The following ATG5 variants were observed in gnomAD, a reference collection of about 807,000 sequenced individuals.
ATG5 encodes the protein autophagy related 5.
Under a neutral mutation model 36.5 loss-of-function variants are expected in ATG5, and 14 were observed. That is an observed-to-expected ratio of 0.38 (90% confidence interval 0.25 to 0.60). The LOEUF is 0.60. Ranked by LOEUF, ATG5 falls within the 20% of genes least tolerant of loss-of-function variation. The pLI is 0.60. For synonymous variants in ATG5, 95 were observed against 101.5 expected, an observed-to-expected ratio of 0.94 and a Z score of 0.38; for missense variants, 195 against 326.7, an observed-to-expected ratio of 0.60 and a Z score of 3.11.
intron 3 of ATG5, among the ~76,000 whole-genome samples, chr6:106,302,566 A>T (rs1770262146): frequency 6.6e-6 from 1 of 152,092 alleles, no homozygotes; most frequent in Non-Finnish European, 1.5e-5. Flanking sequence ...CTGAATCCCG[A>T]AAAACAAAGC....
intron 4 of ATG5, among the ~76,000 whole-genome samples, chr6:106,280,404 A>T (rs528997014): frequency 6.6e-6 from 1 of 152,180 alleles, no homozygotes; most frequent in African/African-American, 2.4e-5. Context: ...CTAAATATCA[A>T]CAGGTAAATG....
rs564446422 is a variant in ATG5, at chr6:106,236,380, T to C, written c.573+11770A>G. Among the ~76,000 whole-genome samples, 10 of 152,316 alleles carry C rather than the reference T, an allele frequency of 6.6e-5. No homozygotes were observed. The East Asian group carries it at 1.7e-3, about 26-fold the overall frequency. ...ACTGTTGGATCAGAAAGTAAGCATA[T>C]GTTGAATTTTGAAAGAAACTGGTAA... On this transcript the variant is annotated intron_variant, in intron 6 of 7. Coordinates refer to ENST00000369076, the MANE Select transcript of ATG5 (RefSeq NM_004849.4).
intron 7 of ATG5, among the ~76,000 whole-genome samples, chr6:106,188,894 C>T (rs994900474): frequency 5.9e-5 from 9 of 152,076 alleles, no homozygotes; most frequent in Middle Eastern, 3.2e-3. Context: ...AATATCTCAC[C>T]GGCATTTATG....
Position 106,192,967 on chromosome 6 carries a change from G to A in ATG5, c.692-6291C>T, listed in dbSNP as rs568796489. 2.2e-4 allele frequency among the ~76,000 whole-genome samples: 33 copies of A among 152,284 alleles called. No individual in the cohort carries two copies. In the South Asian group the frequency reaches 5.2e-3, roughly 24 times the overall value. ...TGCTGAAGGATTTTGTCTCAGCCAC[G>A]GAGGTAATAGTCAGCGAGGTCAGGT... On this transcript the variant is annotated intron_variant, in intron 7 of 7. Transcript: ENST00000369076.
intron 6 of ATG5, among the ~76,000 whole-genome samples, chr6:106,225,000 C>T (rs928066344): frequency 1.3e-5 from 2 of 152,174 alleles, no homozygotes; most frequent in Non-Finnish European, 2.9e-5. Context: ...GCATGACAAG[C>T]CATCATCATT....
intron 1 of ATG5, among the ~76,000 whole-genome samples, chr6:106,317,231 T>C (rs919461561): frequency 6.6e-6 from 1 of 152,224 alleles, no homozygotes; most frequent in Non-Finnish European, 1.5e-5. Flanking sequence ...ACTCAACATG[T>C]GGCACCTGGA....
chr6:106,257,518 G>A (rs555739056), intron 5 of ATG5, among the ~76,000 whole-genome samples: 16 of 152,304 alleles, frequency 1.1e-4, no homozygotes, highest in South Asian at 4.1e-4. Context: ...TATCATACAT[G>A]CAGTCCACTG....
chr6:106,316,119 C>T lies in ATG5; in HGVS notation c.90G>A (p.Arg30=). The T allele has an allele frequency of 2.5e-6, 4 of 1,612,914 alleles. No individual in the cohort carries two copies. The highest frequency in any genetic ancestry group is 3.4e-6 in the Non-Finnish European group (4 of 1,179,322). The part of the protein sequence containing the change: ...FTLYQDEITE[R]EAEPYYLLLP... ...TACTTACATAGTATGGTTCTGCTTCCCTTTCAGTTATCTCATCCTGATATA... is the reference window on the plus strand; with the variant it reads ...TACTTACATAGTATGGTTCTGCTTCTCTTTCAGTTATCTCATCCTGATATA... Residue 30 remains arginine, a synonymous_variant, in exon 2 of 8, where the codon AGG becomes AGA. Transcript: ENST00000369076.
At chr6:106,282,454 G>C (rs1779919036) in intron 4 of ATG5, among the ~76,000 whole-genome samples, 1 of 152,118 alleles carries the variant, frequency 6.6e-6, no homozygotes, top group Non-Finnish European at 1.5e-5. Flanking sequence ...CTTTGCCCCA[G>C]AAGTAACCCT....
intron 5 of ATG5, among the ~76,000 whole-genome samples, chr6:106,251,753 AAAG>A (rs915238651): frequency 6.6e-6 from 1 of 150,806 alleles, no homozygotes; most frequent in African/African-American, 2.5e-5. Context: ...GAAAAGAAAG[AAAG>A]AAAAAGAAAA....
intron 3 of ATG5, among the ~76,000 whole-genome samples, chr6:106,307,043 A>G (rs1770473310): frequency 6.6e-6 from 1 of 152,204 alleles, no homozygotes; most frequent in South Asian, 2.1e-4. Flanking sequence ...ACGGGACCCA[A>G]AATACAACCT....
In ATG5 at chr6:106,279,699, T is replaced by A; in HGVS notation, c.440A>T (p.Lys147Ile). ...HKSQVINEMQ[K>I]KDHKQLWMGL... ...CATCCAGAGTTGCTTGTGATCTTTT[T>A]TCTGCATTTCATTGATTACTTGACT... is the stretch of plus-strand genomic sequence containing the variant. The change falls in exon 5 of 8, where the codon AAA becomes ATA. Residue 147 changes from lysine to isoleucine, a missense_variant. Transcript: ENST00000369076. 1 of 1,604,526 alleles carries A rather than the reference T, an allele frequency of 6.2e-7. No homozygotes were observed. The highest frequency in any genetic ancestry group is 8.5e-7 in the Non-Finnish European group (1 of 1,176,090).
intron 6 of ATG5, among the ~76,000 whole-genome samples, chr6:106,218,411 A>G (rs1392948336): frequency 6.6e-6 from 1 of 152,246 alleles, no homozygotes; most frequent in African/African-American, 2.4e-5. Flanking sequence ...ATGAATCACA[A>G]TATTTAACGT....
At chr6:106,229,963 C>T (rs774637642) in intron 6 of ATG5, among the ~76,000 whole-genome samples, 1 of 152,208 alleles carries the variant, frequency 6.6e-6, no homozygotes, top group Non-Finnish European at 1.5e-5. Context: ...GGTAATTTAA[C>T]ACTAACCACT....
intron 7 of ATG5, among the ~76,000 whole-genome samples, chr6:106,198,067 A>C (rs978871987): frequency 1.3e-5 from 2 of 152,122 alleles, no homozygotes; most frequent in African/African-American, 4.8e-5. Flanking sequence ...CCTCAAAAAC[A>C]AAAATAGATA....
At chr6:106,237,381 C>A (rs1473304377) in intron 6 of ATG5, among the ~76,000 whole-genome samples, 2 of 152,118 alleles carry the variant, frequency 1.3e-5, no homozygotes, top group African/African-American at 4.8e-5. Flanking sequence ...TAAACATATT[C>A]ATCTTCTTGC....
intron 6 of ATG5, among the ~76,000 whole-genome samples, chr6:106,216,352 T>G (rs567329274): frequency 1.3e-5 from 2 of 152,236 alleles, no homozygotes; most frequent in African/African-American, 2.4e-5. Context: ...ACAATCCACA[T>G]GTCTATCAAT....
Position 106,279,030 on chromosome 6 carries a change from A to C in ATG5, c.478+631T>G, listed in dbSNP as rs140907340. Among the ~76,000 whole-genome samples the C allele has an allele frequency of 4.5e-3, 678 of 152,356 alleles. 4 individuals carry two copies. Among genetic ancestry groups the C allele is most frequent in the African/African-American group, 0.015 (640 of 41,580 alleles). On this transcript the variant is annotated intron_variant, in intron 5 of 7. Transcript: ENST00000369076. Reference sequence around the variant, plus strand: ...TTACTTAACTAAACCATGATAACTGAAATTCATGCATACTGGAACCATGGA... The same window carrying C: ...TTACTTAACTAAACCATGATAACTGCAATTCATGCATACTGGAACCATGGA...
chr6:106,193,416 T>A (rs1562202746), intron 7 of ATG5, among the ~76,000 whole-genome samples: 1 of 152,190 alleles, frequency 6.6e-6, no homozygotes, highest in Non-Finnish European at 1.5e-5. Flanking sequence ...AACATGTCCA[T>A]ATTAATTCTT....
Sources: gnomAD v4.1 joint callset for allele counts (sites outside exome capture counted in the v4.1 genomes callset) on GRCh38, gnomAD v4.1.1 for gene constraint, MANE v1.5 for transcripts, NCBI Gene and HGNC (gene_info 2026-07-23, HGNC 2026-07-21) for gene names.